The following NDUFAF2 variants were observed in gnomAD, a reference collection of about 807,000 sequenced individuals.
NDUFAF2 encodes NADH:ubiquinone oxidoreductase complex assembly factor 2, also known as NADH dehydrogenase [ubiquinone] 1 alpha subcomplex assembly factor 2.
A neutral mutation model predicts 22.8 loss-of-function variants in NDUFAF2; 13 were observed. The ratio of observed to expected loss-of-function variants is 0.57; its 90% CI spans 0.37 to 0.91. NDUFAF2 has a LOEUF of 0.91. NDUFAF2 is among the 40% of genes least tolerant of loss of function. The pLI is 0.01. For synonymous variants in NDUFAF2, 53 were observed against 64.2 expected (o/e 0.83, Z 0.84); for missense variants, 162 against 195.2 (o/e 0.83, Z 1.01).
chr5:60,974,864 A>G (rs555773598), intron 1 of NDUFAF2, among the ~76,000 whole-genome samples: 24 of 152,198 alleles, frequency 1.6e-4, no homozygotes, highest in Non-Finnish European at 2.6e-4. Flanking sequence ...TGCCCAGGCT[A>G]GAGTGCAGTG....
intron 1 of NDUFAF2, 108 bp downstream of exon 1, chr5:60,945,490 G>A: frequency 6.7e-7 from 1 of 1,484,564 alleles, no homozygotes. Flanking sequence ...GACACTTAGG[G>A]TGTCACCGGA....
chr5:61,043,677 ATATGTGTGTGTGTGTGTGTGTGTG>A (rs1298582380), intron 1 of NDUFAF2, among the ~76,000 whole-genome samples: 2 of 138,144 alleles, frequency 1.4e-5, no homozygotes, highest in East Asian at 2.0e-4. Flanking sequence ...AAAGCTGTAT[ATATGTGTGTGTGTGTGTGTGTGTG>A]TATGTGTGTG....
chr5:61,028,033 A>T (rs2112607837), intron 1 of NDUFAF2, among the ~76,000 whole-genome samples: 1 of 152,126 alleles, frequency 6.6e-6, no homozygotes, highest in South Asian at 2.1e-4. Context: ...CAAGCAGTAA[A>T]CAAATGAGTA....
chr5:61,145,697 AC>A (rs1335689378), intron 3 of NDUFAF2: 3 of 152,224 alleles, frequency 2.0e-5, no homozygotes, highest in Admixed American at 6.5e-5. Flanking sequence ...CCAGCTGAAC[AC>A]CCCTGAAATG....
At chr5:61,138,074 A>G (rs908348527) in intron 3 of NDUFAF2, among the ~76,000 whole-genome samples, 1 of 152,210 alleles carries the variant, frequency 6.6e-6, no homozygotes, top group Non-Finnish European at 1.5e-5. Context: ...CTGTCTGCTC[A>G]CAGCATTCAC....
At chr5:61,140,164 G>T (rs1741029078) in intron 3 of NDUFAF2, among the ~76,000 whole-genome samples, 1 of 152,260 alleles carries the variant, frequency 6.6e-6, no homozygotes, top group African/African-American at 2.4e-5. Flanking sequence ...GGCATCGCCA[G>T]CCAGAGTTCC....
At chr5:61,150,257 C>T (rs559613106) in intron 3 of NDUFAF2, among the ~76,000 whole-genome samples, 3 of 152,088 alleles carry the variant, frequency 2.0e-5, no homozygotes, top group South Asian at 2.1e-4. Flanking sequence ...TTTACAAGAC[C>T]GTATTTCCTT....
chr5:61,109,898 C>T (rs943151874), intron 3 of NDUFAF2, among the ~76,000 whole-genome samples: 2 of 152,144 alleles, frequency 1.3e-5, no homozygotes, highest in Admixed American at 1.3e-4. Flanking sequence ...TCAAGTATGT[C>T]TTTATCGCAG....
intron 1 of NDUFAF2, among the ~76,000 whole-genome samples, chr5:60,967,804 T>C (rs1750777517): frequency 6.6e-6 from 1 of 151,182 alleles, no homozygotes; most frequent in South Asian, 2.1e-4. Flanking sequence ...TATAATTTTC[T>C]TTTCTTGTAA....
At chr5:61,040,286 A>G (rs62367908) in intron 1 of NDUFAF2, among the ~76,000 whole-genome samples, 19,824 of 91,714 alleles carry the variant, frequency 0.22, 1,542 homozygotes, top group South Asian at 0.26. Flanking sequence ...ACACACACAC[A>G]CGCGCGCGCG....
At chr5:60,945,870 T>C (rs1750440063) in intron 1 of NDUFAF2, among the ~76,000 whole-genome samples, 1 of 152,188 alleles carries the variant, frequency 6.6e-6, no homozygotes, top group African/African-American at 2.4e-5. Context: ...GCCTCGGCTG[T>C]CTTCTTTCTT....
At chr5:61,143,759 T>C (rs1336098055) in intron 3 of NDUFAF2, among the ~76,000 whole-genome samples, 1 of 152,114 alleles carries the variant, frequency 6.6e-6, no homozygotes, top group Non-Finnish European at 1.5e-5. Flanking sequence ...TAGTGAACTT[T>C]CTAACAATGA....
intron 1 of NDUFAF2, among the ~76,000 whole-genome samples, chr5:61,021,475 C>T (rs559121323): frequency 6.6e-6 from 1 of 152,022 alleles, no homozygotes; most frequent in Non-Finnish European, 1.5e-5. Context: ...AGGATAACTT[C>T]TTCATCTCAA....
chr5:60,968,205 A>T (rs1750782775), intron 1 of NDUFAF2, among the ~76,000 whole-genome samples: 1 of 150,710 alleles, frequency 6.6e-6, no homozygotes, highest in Admixed American at 6.6e-5. Context: ...TTCATTTCTG[A>T]TATTATTTGT....
At chr5:60,949,005 C>A (rs150157575) in intron 1 of NDUFAF2, among the ~76,000 whole-genome samples, 1,860 of 152,026 alleles carry the variant, frequency 0.012, 14 homozygotes, top group South Asian at 0.027. Flanking sequence ...TGTGGTATCT[C>A]ATTTTTTTTC....
At chr5:61,115,387 A>ACT (rs1417568704) in intron 3 of NDUFAF2, 1 of 152,160 alleles carries the variant, frequency 6.6e-6, no homozygotes, top group African/African-American at 2.4e-5. Context: ...ACCCCAGGAG[A>ACT]CCGCTTGATG....
intron 1 of NDUFAF2, among the ~76,000 whole-genome samples, chr5:61,040,286 A>ACACACACACACACGCGCG (rs1491193758): frequency 1.1e-5 from 1 of 93,074 alleles, no homozygotes; most frequent in Non-Finnish European, 2.2e-5. Flanking sequence ...ACACACACAC[A>ACACACACACACACGCGCG]CGCGCGCGCG....
intron 1 of NDUFAF2, among the ~76,000 whole-genome samples, chr5:61,025,241 G>A (rs1338442403): frequency 6.6e-6 from 1 of 151,914 alleles, no homozygotes; most frequent in African/African-American, 2.4e-5. Context: ...CTGGCACATA[G>A]GAGATGTTCA....
At chr5:61,035,317 C>T (rs1323832689) in intron 1 of NDUFAF2, among the ~76,000 whole-genome samples, 5 of 151,520 alleles carry the variant, frequency 3.3e-5, no homozygotes, top group Admixed American at 3.3e-4. Flanking sequence ...CCGTCTGCCT[C>T]GGCCTCCCAA....
Sources: allele counts gnomAD v4.1 joint callset (sites outside exome capture counted in the v4.1 genomes callset), GRCh38; gene constraint gnomAD v4.1.1; transcripts MANE v1.5; gene names NCBI Gene and HGNC (gene_info 2026-07-23, HGNC 2026-07-21).